OTUD4: variants seen among roughly 807,000 people sequenced by gnomAD.
OTUD4 encodes the protein OTU deubiquitinase 4, also known as OTU domain-containing protein 4.
In OTUD4, 24 loss-of-function variants were observed where a neutral mutation model predicts 130.4. That is an observed-to-expected ratio of 0.18 (90% CI 0.13 to 0.26). The LOEUF (loss-of-function observed/expected upper bound fraction) is 0.26. OTUD4 is among the 10% of genes least tolerant of loss of function. The pLI, the probability that OTUD4 is intolerant of heterozygous loss-of-function variation, is 1.00. For synonymous variants in OTUD4, 420 were observed against 472.5 expected (o/e 0.89, Z 1.44); for missense variants, 1,031 against 1,329.4 (o/e 0.78, Z 3.49).
chr4:145,144,048 G>T, intron 15 of OTUD4, 47 bp from the exon 16 acceptor site: 1 of 1,420,804 alleles, frequency 7.0e-7, no homozygotes, highest in Non-Finnish European at 9.9e-7. Flanking sequence ...CACCAGTCAT[G>T]TCTGAACACA....
intron 11 of OTUD4, 137 bp from the exon 12 acceptor site, chr4:145,151,042 C>T (rs907039804): frequency 6.2e-5 from 31 of 500,794 alleles, no homozygotes; most frequent in Non-Finnish European, 2.1e-5. Flanking sequence ...AATTAAGGTA[C>T]AAATTGCATT....
chr4:145,152,386 C>T (rs1751106749), intron 11 of OTUD4, among the ~76,000 whole-genome samples, 155 bp downstream of exon 11: 1 of 152,202 alleles, frequency 6.6e-6, no homozygotes, highest in South Asian at 2.1e-4. Context: ...GCTAGGATTA[C>T]AGGCATGAGC....
intron 1 of OTUD4, 38 bp downstream of exon 1, chr4:145,179,776 CG>C: frequency 2.9e-6 from 4 of 1,387,152 alleles, no homozygotes; most frequent in South Asian, 1.3e-5. Flanking sequence ...GGGCCGTCCC[CG>C]CCTCCCCTCG....
chr4:145,166,281 A>G (rs980328445), intron 3 of OTUD4, among the ~76,000 whole-genome samples: 2 of 152,234 alleles, frequency 1.3e-5, no homozygotes, highest in African/African-American at 4.8e-5. Flanking sequence ...GCAGTGTCCT[A>G]GCAATTGTTT....
intron 11 of OTUD4, among the ~76,000 whole-genome samples, chr4:145,151,846 A>G (rs1180401617): frequency 6.6e-6 from 1 of 152,238 alleles, no homozygotes. Flanking sequence ...ATGCTCTAAA[A>G]TAACACTGTA....
intron 3 of OTUD4, among the ~76,000 whole-genome samples, chr4:145,167,371 T>C (rs1419488418): frequency 6.6e-6 from 1 of 152,208 alleles, no homozygotes; most frequent in Non-Finnish European, 1.5e-5. Context: ...ATTTTCAAAA[T>C]GAAATAGGTG....
chr4:145,174,430 T>A (rs1174711377), intron 2 of OTUD4, among the ~76,000 whole-genome samples: 2 of 152,180 alleles, frequency 1.3e-5, no homozygotes, highest in Non-Finnish European at 2.9e-5. Flanking sequence ...CAGCGTCTTA[T>A]CCATCATAGT....
At chr4:145,140,105 C>T (rs1750490317) in intron 19 of OTUD4, 114 bp from the exon 20 acceptor site, 1 of 380,322 alleles carries the variant, frequency 2.6e-6, no homozygotes, top group African/African-American at 2.2e-5. Context: ...ATTGTCTTCT[C>T]TAGCCTGTGA....
chr4:145,140,667 A>G (rs1750515492), intron 19 of OTUD4, among the ~76,000 whole-genome samples: 1 of 152,194 alleles, frequency 6.6e-6, no homozygotes. Flanking sequence ...GCCACTACAT[A>G]CTATATTTGC....
chr4:145,175,780 T>C (rs1752391377), intron 1 of OTUD4, among the ~76,000 whole-genome samples: 1 of 151,898 alleles, frequency 6.6e-6, no homozygotes, highest in East Asian at 1.9e-4. Flanking sequence ...CCTGACCTCG[T>C]GATCCGCCCA....
At chr4:145,161,259 A>G (rs557499804) in intron 6 of OTUD4, among the ~76,000 whole-genome samples, 11 of 152,288 alleles carry the variant, frequency 7.2e-5, no homozygotes, top group African/African-American at 2.6e-4. Context: ...AACCACAGGC[A>G]CTTAGAATCA....
chr4:145,162,349 C>T (rs1353444429), intron 6 of OTUD4, among the ~76,000 whole-genome samples: 1 of 152,002 alleles, frequency 6.6e-6, no homozygotes, highest in Non-Finnish European at 1.5e-5. Flanking sequence ...GTCAGGAGAT[C>T]GAGACCACCC....
At chr4:145,142,469 C>T in intron 17 of OTUD4, 135 bp from the exon 18 acceptor site, 1 of 707,422 alleles carries the variant, frequency 1.4e-6, no homozygotes, top group Non-Finnish European at 2.4e-6. Flanking sequence ...CCCTTATAGT[C>T]TTAGAAATGT....
intron 3 of OTUD4, among the ~76,000 whole-genome samples, chr4:145,167,273 G>A (rs565840340): frequency 6.6e-6 from 1 of 152,266 alleles, no homozygotes; most frequent in Admixed American, 6.5e-5. Context: ...ACTGAAATAA[G>A]GAAAATATTT....
chr4:145,138,147 C>A lies in OTUD4; in HGVS notation c.2628G>T (p.Met876Ile). 6.2e-7 allele frequency: 1 copy of A among 1,613,918 alleles called. No homozygotes were observed. The highest frequency in any genetic ancestry group is 8.5e-7 in the Non-Finnish European group (1 of 1,179,814). The change falls in exon 21 of 21, where the codon ATG (methionine) becomes ATT (isoleucine). Residue 876 changes from methionine (M) to isoleucine (I), a missense_variant. Physicochemically the swap from Met to Ile is conservative, Grantham distance 10 (BLOSUM62 1). Transcript: ENST00000447906. ...CAGAGGGCAGGACAATATTCTGCCTCATTACTGGATTTTCTATGAATCCCT... is the reference window on the plus strand; with the variant it reads ...CAGAGGGCAGGACAATATTCTGCCTAATTACTGGATTTTCTATGAATCCCT... ...PFQGFIENPV[M>I]RQNIVLPSDE...
chr4:145,175,549 C>CTT (rs11406816), intron 1 of OTUD4, among the ~76,000 whole-genome samples: 3 of 145,850 alleles, frequency 2.1e-5, no homozygotes, highest in East Asian at 2.0e-4. Flanking sequence ...ACAACTATTT[C>CTT]TTTTTTTTTT....
At position 145,138,514 on chromosome 4, in the gene OTUD4, G is replaced by A. The variant is rs374609116; in HGVS notation, c.2261C>T (p.Ala754Val). ...PHNPWFQEAP[A>V]AQNESDCTCT... Reference sequence around the variant, plus strand: ...GGTACAATCACTTTCATTCTGAGCAGCAGGAGCCTCTTGGAACCAGGGATT... The same window carrying A: ...GGTACAATCACTTTCATTCTGAGCAACAGGAGCCTCTTGGAACCAGGGATT... Residue 754 changes from alanine to valine, a missense_variant, in exon 21 of 21, where the codon GCT becomes GTT. Physicochemically the swap from Ala to Val is moderately conservative, Grantham distance 64. Around this residue, in one of 3 missense-constraint regions of OTUD4, gnomAD observed 900 missense variants for 1,095.9 expected, o/e 0.82. Transcript: ENST00000447906. 70 of 1,614,150 alleles carry A rather than the reference G, an allele frequency of 4.3e-5. No homozygotes were observed. Among genetic ancestry groups the A allele is most frequent in the Non-Finnish European group, 5.8e-5 (68 of 1,180,014 alleles).
Position 145,136,524 on chromosome 4 carries a change from T to C in OTUD4, c.*906A>G, listed in dbSNP as rs1389439279. The C allele has an allele frequency of 1.5e-5, 2 of 134,856 alleles. No homozygotes were observed. The highest frequency in any genetic ancestry group is 5.4e-5 in the African/African-American group (2 of 36,822). 8.4% of individuals were successfully genotyped at this position (134,856 alleles called of 1,614,324 possible). ...CCTGTCAAGCTAAAAATTTTTAACA[T>C]TTCTTCTCACAAAATATTTAGAATC... On this transcript the variant is annotated 3_prime_UTR_variant, in exon 21 of 21. Transcript: ENST00000447906.
intron 6 of OTUD4, among the ~76,000 whole-genome samples, chr4:145,161,111 A>AAACAACAAC (rs70956827): frequency 0.15 from 22,964 of 150,728 alleles, 2,037 homozygotes; most frequent in East Asian, 0.41. Context: ...CTCCACCTCA[A>AAACAACAAC]AACAACAACA....
Sources: gnomAD v4.1 joint callset for allele counts (sites outside exome capture counted in the v4.1 genomes callset) on GRCh38, gnomAD v4.1.1 for gene constraint, gnomAD v4.1.1 regional missense constraint, MANE v1.5 for transcripts, NCBI Gene and HGNC (gene_info 2026-07-23, HGNC 2026-07-21) for gene names.